Variants in ADAMTSL1 observed in about 807,000 individuals in gnomAD.
ADAMTSL1 encodes the protein ADAMTS-like protein 1.
A neutral mutation model predicts 201.8 loss-of-function variants in ADAMTSL1; 126 were observed. That is an observed-to-expected ratio of 0.62 (90% CI 0.54 to 0.72). The LOEUF (loss-of-function observed/expected upper bound fraction) is 0.72. Among genes scored for constraint, ADAMTSL1 ranks in the 30% least tolerant of loss-of-function variants. The pLI is 0.00. For missense variants in ADAMTSL1, 2,679 were observed against 2,277.8 expected (o/e 1.18, Z -3.59); for synonymous variants, 1,121 against 903.4 (o/e 1.24, Z -4.32).
At chr9:18,242,597 A>G (rs1050933840) in intron 2 of ADAMTSL1, among the ~76,000 whole-genome samples, 18 of 152,130 alleles carry the variant, frequency 1.2e-4, no homozygotes, top group African/African-American at 3.1e-4. Context: ...GGTATGATCT[A>G]TTACATGTTA....
At chr9:18,301,744 C>T (rs1387226450) in intron 2 of ADAMTSL1, among the ~76,000 whole-genome samples, 2 of 152,152 alleles carry the variant, frequency 1.3e-5, no homozygotes, top group South Asian at 2.1e-4. Flanking sequence ...TACTAGAATA[C>T]ATTGCTAAGA....
At chr9:18,258,270 C>G (rs767245303) in intron 2 of ADAMTSL1, among the ~76,000 whole-genome samples, 3 of 151,992 alleles carry the variant, frequency 2.0e-5, no homozygotes, top group South Asian at 2.1e-4. Context: ...AAACAAGATG[C>G]GTACGCAAGA....
intron 21 of ADAMTSL1, among the ~76,000 whole-genome samples, chr9:18,818,571 T>C (rs1824007571): frequency 6.6e-6 from 1 of 152,086 alleles, no homozygotes; most frequent in African/African-American, 2.4e-5. Flanking sequence ...GTGGGCAGAT[T>C]ACTTGAGCCC....
At chr9:18,015,493 T>C (rs984839043) in intron 1 of ADAMTSL1, among the ~76,000 whole-genome samples, 27 of 152,050 alleles carry the variant, frequency 1.8e-4, no homozygotes, top group African/African-American at 6.5e-4. Flanking sequence ...CTAGAGCTCA[T>C]TTTGGTTAGT....
At chr9:18,007,831 A>T (rs144161743) in intron 1 of ADAMTSL1, among the ~76,000 whole-genome samples, 1 of 152,144 alleles carries the variant, frequency 6.6e-6, no homozygotes, top group African/African-American at 2.4e-5. Flanking sequence ...CTTGATTTAC[A>T]TGGTACTTCT....
At chr9:18,635,547 T>C (rs552879277) in intron 5 of ADAMTSL1, among the ~76,000 whole-genome samples, 1 of 152,292 alleles carries the variant, frequency 6.6e-6, no homozygotes, top group South Asian at 2.1e-4. Flanking sequence ...TCCAAGATAC[T>C]CTGCTGGAGA....
At chr9:18,307,280 G>C (rs889969980) in intron 2 of ADAMTSL1, among the ~76,000 whole-genome samples, 1 of 152,128 alleles carries the variant, frequency 6.6e-6, no homozygotes, top group Non-Finnish European at 1.5e-5. Context: ...TGAAGAAACT[G>C]CATCAACTAA....
intron 1 of ADAMTSL1, among the ~76,000 whole-genome samples, chr9:17,959,917 C>T (rs1256790018): frequency 6.6e-6 from 1 of 152,046 alleles, no homozygotes. Context: ...GACTGCTTAC[C>T]TTTGAACTTT....
At chr9:18,251,126 G>C (rs1005207975) in intron 2 of ADAMTSL1, among the ~76,000 whole-genome samples, 1 of 151,976 alleles carries the variant, frequency 6.6e-6, no homozygotes, top group African/African-American at 2.4e-5. Context: ...AAAATTAATA[G>C]GTAAATGGAT....
At chr9:18,101,930 A>T (rs1824542657) in intron 1 of ADAMTSL1, among the ~76,000 whole-genome samples, 1 of 152,210 alleles carries the variant, frequency 6.6e-6, no homozygotes. Context: ...AGGTGTAAGT[A>T]GTGGTGACAG....
intron 1 of ADAMTSL1, among the ~76,000 whole-genome samples, chr9:18,481,439 G>A (rs1367830565): frequency 1.3e-5 from 2 of 151,418 alleles, no homozygotes; most frequent in African/African-American, 2.4e-5. Flanking sequence ...CAGCTACGGA[G>A]ATTAAGTCAC....
chr9:18,156,694 C>T (rs1827169633), intron 1 of ADAMTSL1, among the ~76,000 whole-genome samples: 1 of 151,746 alleles, frequency 6.6e-6, no homozygotes. Flanking sequence ...TTTGCCTTGT[C>T]ATTAGAAGAT....
chr9:18,040,187 C>T (rs1391020893), intron 1 of ADAMTSL1, among the ~76,000 whole-genome samples: 2 of 152,114 alleles, frequency 1.3e-5, no homozygotes, highest in Non-Finnish European at 2.9e-5. Context: ...TAAGCAACAC[C>T]CTTCCCTTAA....
chr9:18,330,436 A>G (rs1180084703), intron 2 of ADAMTSL1, among the ~76,000 whole-genome samples: 4 of 151,134 alleles, frequency 2.6e-5, no homozygotes, highest in Non-Finnish European at 5.9e-5. Flanking sequence ...CTCCATCATA[A>G]CCTTCTTTGT....
intron 2 of ADAMTSL1, among the ~76,000 whole-genome samples, chr9:18,389,086 G>C (rs1837935183): frequency 6.6e-6 from 1 of 151,908 alleles, no homozygotes; most frequent in South Asian, 2.1e-4. Flanking sequence ...ACCTATATTT[G>C]ACTTCAATAA....
intron 23 of ADAMTSL1, among the ~76,000 whole-genome samples, chr9:18,853,916 T>C (rs201263293): frequency 1.1e-3 from 134 of 122,750 alleles, no homozygotes; most frequent in African/African-American, 3.2e-3. Flanking sequence ...TGTGTGTGTG[T>C]GTGCGCGTGC....
Position 18,759,959 on chromosome 9 carries a change from G to C in ADAMTSL1, c.2217+6451G>C, listed in dbSNP as rs187390305. On this transcript the variant is annotated intron_variant, in intron 16 of 28. Coordinates refer to ENST00000380548, the MANE Select transcript of ADAMTSL1 (RefSeq NM_001040272.6). ...GTTTCTCTAGGCCCTAATTCAGTTT[G>C]GCTCAGCTATGACCTCGACTGTGTG... Among the ~76,000 whole-genome samples, 261 of 152,218 alleles carry C rather than the reference G, an allele frequency of 1.7e-3. No individual in the cohort carries two copies. In the Middle Eastern group the frequency reaches 0.027, roughly 16 times the overall value.
intron 2 of ADAMTSL1, among the ~76,000 whole-genome samples, chr9:18,183,715 A>C (rs1290414315): frequency 1.3e-5 from 2 of 152,202 alleles, no homozygotes; most frequent in Admixed American, 6.5e-5. Context: ...CGCTGACATC[A>C]TGCCACTCTA....
chr9:18,406,219 A>T (rs369815569), intron 2 of ADAMTSL1, among the ~76,000 whole-genome samples: 5 of 152,224 alleles, frequency 3.3e-5, no homozygotes, highest in Non-Finnish European at 7.3e-5. Flanking sequence ...TTTGGTGAAG[A>T]ATACCCTATT....
Sources: gnomAD v4.1 joint callset for allele counts (sites outside exome capture counted in the v4.1 genomes callset) on GRCh38, gnomAD v4.1.1 for gene constraint, MANE v1.5 for transcripts, NCBI Gene and HGNC (gene_info 2026-07-23, HGNC 2026-07-21) for gene names.